DENND4B: variants seen among roughly 807,000 people sequenced by gnomAD.
DENND4B encodes DENN domain-containing protein 4B.
Under a neutral mutation model 161.0 loss-of-function variants are expected in DENND4B, and 67 were observed. The ratio of observed to expected loss-of-function variants is 0.42; its 90% confidence interval spans 0.34 to 0.51. The LOEUF is 0.51. Among genes scored for constraint, DENND4B ranks in the 20% least tolerant of loss-of-function variants. The pLI is 0.08. For synonymous variants in DENND4B, 753 were observed against 813.8 expected (o/e 0.93, Z 1.27); for missense variants, 1,481 against 1,968.0 (o/e 0.75, Z 4.68).
chr1:153,941,068 G>A lies in DENND4B; in HGVS notation c.1182-20C>T, dbSNP rs1168938089. Reference sequence around the variant, plus strand: ...GCACCACTGCAGGCAATGCCGAGGTGGGGAAAGGGTCACCAGGATACCCTG... The same window carrying A: ...GCACCACTGCAGGCAATGCCGAGGTAGGGAAAGGGTCACCAGGATACCCTG... On this transcript the variant is annotated intron_variant, in intron 8 of 27. Coordinates refer to ENST00000361217, the MANE Select transcript of DENND4B (RefSeq NM_014856.3). The A allele has an allele frequency of 1.3e-6, 2 of 1,552,892 alleles. No individual in the cohort carries two copies. The highest frequency in any genetic ancestry group is 1.2e-5 in the South Asian group (1 of 84,682).
chr1:153,934,629 C>T lies in DENND4B; in HGVS notation c.2773+131G>A. 1 of 1,433,532 alleles carries T rather than the reference C, an allele frequency of 7.0e-7. No individual in the cohort carries two copies. Among genetic ancestry groups the T allele is most frequent in the Non-Finnish European group, 9.3e-7 (1 of 1,078,874 alleles). The allele number at this position is 1,433,532 out of a possible 1,614,324, so 88.8% of individuals were successfully genotyped here. A position where few individuals can be genotyped will look rare whatever the true frequency, so the allele number is the denominator to read the frequency against. ...GCTAATTTTTTTATCCCTTTTGTTA[C>T]CAGTCAAGTGTAATTTATCAATCCC... On this transcript the variant is annotated intron_variant, in intron 18 of 27. Transcript: ENST00000361217. The surrounding 1 kb of genome is among the most constrained non-coding windows in gnomAD (Gnocchi z 5.3).
Position 153,939,604 on chromosome 1 carries a change from G to T in DENND4B, c.1804C>A (p.Leu602Ile). 6.2e-7 allele frequency: 1 copy of T among 1,609,620 alleles called. No individual in the cohort carries two copies. The highest frequency in any genetic ancestry group is 8.5e-7 in the Non-Finnish European group (1 of 1,176,626). ...PSEGARDVDN[L>I]FFLQGFLKSR... ...CCCTCTATACCCTGCAGGAAGAAAA[G>T]GTTGTCAACATCACGAGCTCCCTCG... is the stretch of plus-strand genomic sequence containing the variant. Residue 602 changes from leucine (L) to isoleucine (I), a missense_variant, in exon 12 of 28, where the codon CTT (leucine) becomes ATT (isoleucine). Around this residue, in one of 3 missense-constraint regions of DENND4B, gnomAD observed 806 missense variants for 1,134.4 expected, o/e 0.71. Transcript: ENST00000361217.
chr1:153,932,942 G>C lies in DENND4B; in HGVS notation c.3542C>G (p.Ser1181Cys), dbSNP rs1679055687. The C allele has an allele frequency of 6.2e-7, 1 of 1,613,914 alleles. No homozygotes were observed. Among genetic ancestry groups the C allele is most frequent in the African/African-American group, 1.3e-5 (1 of 74,938 alleles). ...GAAGGGGCAGGTTGTGTTGAGGTTA[G>C]AGTCATCAGGTGCCCAGCCAGCCAT... The part of the protein sequence containing the change: ...EIMAGWAPDD[S>C]NLNTTCPFCA... Residue 1181 changes from serine to cysteine, a missense_variant, in exon 22 of 28, where the codon TCT becomes TGT. Physicochemically the swap from Ser to Cys is moderately radical, Grantham distance 112. Around this residue, in one of 3 missense-constraint regions of DENND4B, gnomAD observed 336 missense variants for 503.3 expected, o/e 0.67. Coordinates refer to ENST00000361217, the MANE Select transcript of DENND4B (RefSeq NM_014856.3). This position sits in a 1 kb window ranked among gnomAD's most constrained non-coding sequence, Gnocchi z 5.8.
chr1:153,934,739 G>C lies in DENND4B; in HGVS notation c.2773+21C>G. 1 of 1,603,356 alleles carries C rather than the reference G, an allele frequency of 6.2e-7. No homozygotes were observed. The highest frequency in any genetic ancestry group is 2.2e-5 in the East Asian group (1 of 44,532). Reference sequence around the variant, plus strand: ...GCCCAGCTACTCCATCCCCAAGCCTGTCTCACCAGGCCCTACCCACCTGCC... The same window carrying C: ...GCCCAGCTACTCCATCCCCAAGCCTCTCTCACCAGGCCCTACCCACCTGCC... On this transcript the variant is annotated intron_variant, in intron 18 of 27. Transcript: ENST00000361217. The surrounding 1 kb of genome is among the most constrained non-coding windows in gnomAD (Gnocchi z 5.3).
chr1:153,938,824 C>A (rs1679501407), intron 13 of DENND4B, 76 bp downstream of exon 13: 2 of 1,515,056 alleles, frequency 1.3e-6, no homozygotes, highest in East Asian at 4.9e-5. Context: ...CCGATTCCGT[C>A]TAAAATGGCC....
In DENND4B at chr1:153,934,004, G is replaced by A; in HGVS notation, c.2941+131C>T. 1 of 1,479,126 alleles carries A rather than the reference G, an allele frequency of 6.8e-7. No individual in the cohort carries two copies. The highest frequency in any genetic ancestry group is 2.7e-5 in the Admixed American group (1 of 36,826). The allele number at this position is 1,479,126 out of a possible 1,614,324, so 91.6% of individuals were successfully genotyped here. On this transcript the variant is annotated intron_variant, in intron 19 of 27. Coordinates refer to ENST00000361217, the MANE Select transcript of DENND4B (RefSeq NM_014856.3). This position sits in a 1 kb window ranked among gnomAD's most constrained non-coding sequence, Gnocchi z 5.3. ...CCCACCATGATGATATTCTGGGCGA[G>A]ATTCCCTCAGAATCTACAGCACCCA...
At position 153,940,720 on chromosome 1, in the gene DENND4B, G is replaced by A. The variant is rs1238667446; in HGVS notation, c.1327-114C>T. Reference sequence around the variant, plus strand: ...GGGGAGTTGGTGCCTGTTGAGAGAGGCTGTTGGAAGTAGGCTCTAGAGAAG... The same window carrying A: ...GGGGAGTTGGTGCCTGTTGAGAGAGACTGTTGGAAGTAGGCTCTAGAGAAG... On this transcript the variant is annotated intron_variant, in intron 9 of 27. Coordinates refer to ENST00000361217, the MANE Select transcript of DENND4B (RefSeq NM_014856.3). The surrounding 1 kb of genome is among the most constrained non-coding windows in gnomAD (Gnocchi z 5.6). 2 of 1,462,422 alleles carry A rather than the reference G, an allele frequency of 1.4e-6. No individual in the cohort carries two copies. The highest frequency in any genetic ancestry group is 1.8e-6 in the Non-Finnish European group (2 of 1,082,286). 90.6% of individuals were successfully genotyped at this position (1,462,422 alleles called of 1,614,324 possible). A position where few individuals can be genotyped will look rare whatever the true frequency, so the allele number is the denominator to read the frequency against.
At chr1:153,938,138 G>T (rs1679452538) in intron 13 of DENND4B, among the ~76,000 whole-genome samples, 1 of 152,232 alleles carries the variant, frequency 6.6e-6, no homozygotes, top group Non-Finnish European at 1.5e-5. Flanking sequence ...GCCAGACACA[G>T]TGGCTCACGC....
intron 13 of DENND4B, among the ~76,000 whole-genome samples, chr1:153,938,540 A>C (rs1244838203): frequency 1.3e-5 from 2 of 151,838 alleles, no homozygotes; most frequent in Non-Finnish European, 2.9e-5. Flanking sequence ...GTCTCTACTA[A>C]AAATACAAAA....
At position 153,934,824 on chromosome 1, in the gene DENND4B, CTGCTGTTGCTGCTGCTGCTGCTGT is replaced by C. The variant is rs771444307; in HGVS notation, c.2685_2708del (p.Gln903_Gln910del). 1.1e-5 allele frequency: 15 copies of C among 1,363,186 alleles called. No homozygotes were observed. Among genetic ancestry groups the C allele is most frequent in the African/African-American group, 2.8e-5 (2 of 72,268 alleles). The allele number at this position is 1,363,186 out of a possible 1,614,324, so 84.4% of individuals were successfully genotyped here. Reference sequence around the variant, plus strand: ...GCTCCTGCTGCTGCTGCTGCTGCTGCTGCTGTTGCTGCTGCTGCTGCTGTTGCCGTTCTCTCAAGGGCTGGCGGA... The same window carrying C: ...GCTCCTGCTGCTGCTGCTGCTGCTGCTGCCGTTCTCTCAAGGGCTGGCGGA... On this transcript the variant is annotated inframe_deletion, in exon 18 of 28. Transcript: ENST00000361217. The surrounding 1 kb of genome is among the most constrained non-coding windows in gnomAD (Gnocchi z 5.3).
At position 153,946,424 on chromosome 1, in the gene DENND4B, G is replaced by T; in HGVS notation, c.-147C>A. On this transcript the variant is annotated 5_prime_UTR_variant, in exon 1 of 28. Transcript: ENST00000361217. This position sits in a 1 kb window ranked among gnomAD's most constrained non-coding sequence, Gnocchi z 6.3. ...CGCACCCGACTTGGGCGCCGCTCCC[G>T]CCCGGGCAGTGAGTGAAGGAAGAAG... 1 of 386,700 alleles carries T rather than the reference G, an allele frequency of 2.6e-6. No homozygotes were observed. The highest frequency in any genetic ancestry group is 4.6e-6 in the Non-Finnish European group (1 of 218,302). 24.0% of individuals were successfully genotyped at this position (386,700 alleles called of 1,614,324 possible).
Position 153,930,830 on chromosome 1 carries a change from G to A in DENND4B, c.4142C>T (p.Pro1381Leu). ...HSQIPQRVVW[P>L]GPVPASLSLA... ...ACTAAGGGATGCAGGTACAGGGCCT[G>A]GCCATACCACCCGCTGGGGGATCTG... The change falls in exon 26 of 28, where the codon CCA (proline) becomes CTA (leucine). Residue 1381 changes from proline to leucine, a missense_variant. Physicochemically the swap from Pro to Leu is moderately conservative, Grantham distance 98. Around this residue, in one of 3 missense-constraint regions of DENND4B, gnomAD observed 336 missense variants for 503.3 expected, o/e 0.67. Coordinates refer to ENST00000361217, the MANE Select transcript of DENND4B (RefSeq NM_014856.3). The surrounding 1 kb of genome is among the most constrained non-coding windows in gnomAD (Gnocchi z 4.7). 6.2e-7 allele frequency: 1 copy of A among 1,602,312 alleles called. No individual in the cohort carries two copies. The highest frequency in any genetic ancestry group is 8.5e-7 in the Non-Finnish European group (1 of 1,174,484).
rs1679136463 is a variant in DENND4B at position 153,933,809 on chromosome 1, G to A, written c.3004C>T (p.Leu1002Phe). The change falls in exon 20 of 28, where the codon CTC becomes TTC. Residue 1002 changes from leucine (L) to phenylalanine (F), a missense_variant. By Grantham distance (22) the Leu-to-Phe change is conservative (BLOSUM62 0). This residue lies in a region of DENND4B where 339 missense variants were observed against 330.3 expected (regional missense o/e 1.03). Coordinates refer to ENST00000361217, the MANE Select transcript of DENND4B (RefSeq NM_014856.3). This position sits in a 1 kb window ranked among gnomAD's most constrained non-coding sequence, Gnocchi z 5.7. ...GSPVPWHDGS[L>F]SDLSLTGEEP... ...TCCCCTGTCAGGCTCAGGTCTGAGA[G>A]ACTTCCATCGTGCCAGGGCACAGGT... 2 of 1,613,100 alleles carry A rather than the reference G, an allele frequency of 1.2e-6. No homozygotes were observed. The highest frequency in any genetic ancestry group is 1.7e-6 in the Non-Finnish European group (2 of 1,179,742).
At position 153,937,692 on chromosome 1, in the gene DENND4B, C is replaced by G; in HGVS notation, c.2105+32G>C. ...GTTGGACTGGACCAGTCTATGGGAC[C>G]CTGGAACATGTGAAGGCTAAGAGAC... is the stretch of plus-strand genomic sequence containing the variant. On this transcript the variant is annotated intron_variant, in intron 14 of 27. Transcript: ENST00000361217. This position sits in a 1 kb window ranked among gnomAD's most constrained non-coding sequence, Gnocchi z 4.7. The G allele has an allele frequency of 6.2e-7, 1 of 1,613,900 alleles. No homozygotes were observed. The highest frequency in any genetic ancestry group is 8.5e-7 in the Non-Finnish European group (1 of 1,179,828).
rs945834982 is a variant in DENND4B, at chr1:153,934,358, T to C, written c.2774-56A>G. The C allele has an allele frequency of 6.6e-7, 1 of 1,522,204 alleles. No individual in the cohort carries two copies. Among genetic ancestry groups the C allele is most frequent in the Non-Finnish European group, 8.8e-7 (1 of 1,140,598 alleles). 94.3% of individuals were successfully genotyped at this position (1,522,204 alleles called of 1,614,324 possible). A position where few individuals can be genotyped will look rare whatever the true frequency, so the allele number is the denominator to read the frequency against. On this transcript the variant is annotated intron_variant, in intron 18 of 27. Coordinates refer to ENST00000361217, the MANE Select transcript of DENND4B (RefSeq NM_014856.3). This position sits in a 1 kb window ranked among gnomAD's most constrained non-coding sequence, Gnocchi z 5.3. The stretch of plus-strand genomic sequence containing the variant: ...GCCAGCTAGGAACCCAGTCCCCTGT[T>C]CCAAAATAGAGCTCCTTAGATGGAC...
rs974331326 is a variant in DENND4B, at chr1:153,944,153, G to T, written c.222C>A (p.Gly74=). 6.8e-6 allele frequency: 11 copies of T among 1,612,850 alleles called. No homozygotes were observed. The highest frequency in any genetic ancestry group is 9.3e-6 in the Non-Finnish European group (11 of 1,179,448). ...GTCCAGCACTGAGTTCCAAGGGGTG[G>T]CCCCCAGCAGAAGCCTGGATGCATG... ...GYTCIQASAG[G]HPLELSAGLL... Residue 74 remains glycine, a synonymous_variant, in exon 2 of 28, where the codon GGC becomes GGA. Transcript: ENST00000361217. This position sits in a 1 kb window ranked among gnomAD's most constrained non-coding sequence, Gnocchi z 4.8.
rs756808248 is a variant in DENND4B at position 153,940,633 on chromosome 1, T to G, written c.1327-27A>C. 7 of 1,604,654 alleles carry G rather than the reference T, an allele frequency of 4.4e-6. No homozygotes were observed. In the Admixed American group the frequency reaches 1.2e-4, roughly 28 times the overall value. ...TGAAGCACCAGGCAGTGAGAACCAGTGAACAGGGGGTTGAGGCAGCAGTGG... is the reference window on the plus strand; with the variant it reads ...TGAAGCACCAGGCAGTGAGAACCAGGGAACAGGGGGTTGAGGCAGCAGTGG... On this transcript the variant is annotated intron_variant, in intron 9 of 27. Transcript: ENST00000361217. This position sits in a 1 kb window ranked among gnomAD's most constrained non-coding sequence, Gnocchi z 5.6.
rs1330292087 is a variant in DENND4B, at chr1:153,932,820, C to T, written c.3623+41G>A. The T allele has an allele frequency of 6.2e-7, 1 of 1,613,248 alleles. No homozygotes were observed. Among genetic ancestry groups the T allele is most frequent in the Middle Eastern group, 1.6e-4 (1 of 6,062 alleles). On this transcript the variant is annotated intron_variant, in intron 22 of 27. Transcript: ENST00000361217. This position sits in a 1 kb window ranked among gnomAD's most constrained non-coding sequence, Gnocchi z 5.8. Reference sequence around the variant, plus strand: ...CAGGGGTCAGCTTTTGGACCTTCACCTCCCTATTCCCACCCACAGCACTTG... The same window carrying T: ...CAGGGGTCAGCTTTTGGACCTTCACTTCCCTATTCCCACCCACAGCACTTG...
intron 6 of DENND4B, 89 bp downstream of exon 6, chr1:153,941,780 C>CGGGGGGGGGGGGGG: frequency 1.8e-6 from 1 of 558,836 alleles, no homozygotes; most frequent in Non-Finnish European, 3.2e-6. Context: ...GCCCAGCCCT[C>CGGGGGGGGGGGGGG]CCCCCACCCA....
Sources: gnomAD v4.1 joint callset for allele counts (sites outside exome capture counted in the v4.1 genomes callset) on GRCh38, gnomAD v4.1.1 for gene constraint, gnomAD v4.1.1 regional missense constraint, Gnocchi (gnomAD v3.1) non-coding constraint, MANE v1.5 for transcripts, NCBI Gene and HGNC (gene_info 2026-07-23, HGNC 2026-07-21) for gene names.